Variants in CCDC32 observed in about 807,000 individuals in gnomAD.
The protein encoded by CCDC32 is coiled-coil domain containing 32, also known as coiled-coil domain-containing protein 32.
In CCDC32, 9 loss-of-function variants were observed where a neutral mutation model predicts 20.1. The observed-to-expected ratio is 0.45, with a 90% CI of 0.27 to 0.78. CCDC32 has a LOEUF of 0.78. Ranked by LOEUF, CCDC32 falls within the 30% of genes least tolerant of loss-of-function variation. CCDC32 has a pLI of 0.16. For synonymous variants in CCDC32, 63 were observed against 79.0 expected (o/e 0.80, Z 1.07); for missense variants, 204 against 215.5 (o/e 0.95, Z 0.33).
At chr15:40,557,123 G>A (rs1890295351) in intron 3 of CCDC32, 93 bp downstream of exon 3, 4 of 1,485,210 alleles carry the variant, frequency 2.7e-6, no homozygotes, top group Non-Finnish European at 1.8e-6. Flanking sequence ...TGGCAAAAAA[G>A]TCTGTTCTTA....
At chr15:40,561,361 T>A (rs1890615049) in intron 2 of CCDC32, among the ~76,000 whole-genome samples, 1 of 151,736 alleles carries the variant, frequency 6.6e-6, no homozygotes, top group South Asian at 2.1e-4. Context: ...TAATCCCAGC[T>A]ACTCAGGAGG....
downstream of CCDC32, among the ~76,000 whole-genome samples, chr15:40,527,251 A>C (rs1197293273): frequency 6.6e-6 from 1 of 151,866 alleles, no homozygotes; most frequent in African/African-American, 2.4e-5. Context: ...GCTCACTGCA[A>C]CCTCTGCCTC....
At chr15:40,564,947 GC>G (rs1432781215) in intron 1 of CCDC32, 28 bp downstream of exon 1, 1 of 754,260 alleles carries the variant, frequency 1.3e-6, no homozygotes, top group Non-Finnish European at 2.2e-6. Context: ...GATCCAAAAC[GC>G]TGGGCACCCC....
At chr15:40,527,432 A>T (rs987520773), downstream of CCDC32, among the ~76,000 whole-genome samples, 1 of 152,188 alleles carries the variant, frequency 6.6e-6, no homozygotes. Context: ...CGGCCTCCCA[A>T]GGTGCTGGGA....
chr15:40,539,218 C>G, downstream of CCDC32: 1 of 1,532,568 alleles, frequency 6.5e-7, no homozygotes, highest in Non-Finnish European at 8.7e-7. Context: ...ACATCCCTGC[C>G]TGGCCCGCCC....
In CCDC32 at chr15:40,553,168, G is replaced by A. The variant is rs1023703407; in HGVS notation, c.*803C>T. On this transcript the variant is annotated 3_prime_UTR_variant, in exon 4 of 4. Transcript: ENST00000416810. ...ACACAATAAACAGGGAGGGAAGCTC[G>A]GGCTCAGCCAGGAAACCTGCCACAA... is the stretch of plus-strand genomic sequence containing the variant. 12 of 985,444 alleles carry A rather than the reference G, an allele frequency of 1.2e-5. No homozygotes were observed. The Admixed American group carries it at 1.8e-4, about 15-fold the overall frequency. 61.0% of individuals were successfully genotyped at this position (985,444 alleles called of 1,614,324 possible). A position where few individuals can be genotyped will look rare whatever the true frequency, so the allele number is the denominator to read the frequency against.
rs1890928584 is a variant in CCDC32 at position 40,565,016 on chromosome 15, C to T, written c.-53G>A. Reference sequence around the variant, plus strand: ...GTAAACGCTTGGCTCAGCTCTGTCGCCTGTAGCCCGGAGGAAATCGGGAGG... The same window carrying T: ...GTAAACGCTTGGCTCAGCTCTGTCGTCTGTAGCCCGGAGGAAATCGGGAGG... On this transcript the variant is annotated 5_prime_UTR_variant, in exon 1 of 4. Coordinates refer to ENST00000416810, the MANE Select transcript of CCDC32 (RefSeq NM_001080792.4). The T allele has an allele frequency of 1.8e-6, 1 of 568,078 alleles. No homozygotes were observed. The highest frequency in any genetic ancestry group is 3.1e-6 in the Non-Finnish European group (1 of 318,632). 35.2% of individuals were successfully genotyped at this position (568,078 alleles called of 1,614,324 possible). A position where few individuals can be genotyped will look rare whatever the true frequency, so the allele number is the denominator to read the frequency against.
At chr15:40,545,285 C>A (rs1161542493) in intron 3 of CCDC32, among the ~76,000 whole-genome samples, 1 of 152,180 alleles carries the variant, frequency 6.6e-6, no homozygotes, top group Non-Finnish European at 1.5e-5. Context: ...AATATCTGTT[C>A]TTTAAAATGC....
At chr15:40,544,322 T>G (rs189786423) in intron 3 of CCDC32, among the ~76,000 whole-genome samples, 14 of 152,218 alleles carry the variant, frequency 9.2e-5, no homozygotes, top group Admixed American at 4.6e-4. Context: ...CAAGCAATCC[T>G]CCCACCTCAG....
intron 2 of CCDC32, chr15:40,562,029 C>CT (rs1890677352): frequency 7.2e-6 from 1 of 139,698 alleles, no homozygotes. Flanking sequence ...CAGAATGAAT[C>CT]TTATGTCAAT....
At chr15:40,551,199 G>A (rs968287679), downstream of CCDC32, among the ~76,000 whole-genome samples, 5 of 152,116 alleles carry the variant, frequency 3.3e-5, no homozygotes, top group Non-Finnish European at 7.4e-5. Context: ...TGGCTAACAC[G>A]GTGAAACCCC....
At chr15:40,546,040 T>C (rs1889604178) in intron 3 of CCDC32, among the ~76,000 whole-genome samples, 1 of 152,214 alleles carries the variant, frequency 6.6e-6, no homozygotes. Context: ...AGTTTCTCTT[T>C]GTGTTTTAGT....
downstream of CCDC32, chr15:40,536,112 C>T (rs1470626593): frequency 6.6e-6 from 1 of 152,334 alleles, no homozygotes; most frequent in African/African-American, 2.4e-5. Context: ...CCAAAGGGGT[C>T]CCAAGTCACC....
Position 40,553,340 on chromosome 15 carries a change from A to T in CCDC32, c.*631T>A, listed in dbSNP as rs1289575950. 1 of 985,238 alleles carries T rather than the reference A, an allele frequency of 1.0e-6. No homozygotes were observed. Among genetic ancestry groups the T allele is most frequent in the African/African-American group, 1.7e-5 (1 of 57,198 alleles). The allele number at this position is 985,238 out of a possible 1,614,324, so 61.0% of individuals were successfully genotyped here. On this transcript the variant is annotated 3_prime_UTR_variant, in exon 4 of 4. Transcript: ENST00000416810. ...TAAAAAATACATATACACAGACATA[A>T]ACACCCACATTTTCACACTTCTTTT...
downstream of CCDC32, among the ~76,000 whole-genome samples, chr15:40,524,735 C>CTTTT (rs1894877723): frequency 1.3e-5 from 1 of 79,882 alleles, no homozygotes; most frequent in African/African-American, 6.6e-5. Context: ...TGTTCTTTTT[C>CTTTT]TTTCTTTTTT....
downstream of CCDC32, chr15:40,532,186 G>T: frequency 1.6e-6 from 1 of 644,122 alleles, no homozygotes; most frequent in Non-Finnish European, 2.8e-6. Context: ...TTATACACAG[G>T]ATCTGGTCAA....
Position 40,564,967 on chromosome 15 carries a change from C to A in CCDC32, c.-13+9G>T. On this transcript the variant is annotated intron_variant, in intron 1 of 3. Coordinates refer to ENST00000416810, the MANE Select transcript of CCDC32 (RefSeq NM_001080792.4). ...AAAACGCTGGGCACCCCAGCCCCTC[C>A]TCACTTACCGTAACAGCTGCCCAGT... The A allele has an allele frequency of 1.6e-6, 1 of 644,418 alleles. No homozygotes were observed. The highest frequency in any genetic ancestry group is 1.9e-5 in the South Asian group (1 of 52,248). The allele number at this position is 644,418 out of a possible 1,614,324, so 39.9% of individuals were successfully genotyped here.
At chr15:40,548,109 G>C (rs913493713), downstream of CCDC32, among the ~76,000 whole-genome samples, 19 of 152,134 alleles carry the variant, frequency 1.2e-4, no homozygotes, top group Admixed American at 6.5e-5. Context: ...TATGAACTCA[G>C]CTCCCCTAAC....
chr15:40,562,637 C>T lies in CCDC32; in HGVS notation c.244+135G>A, dbSNP rs1391275605. 5.8e-6 allele frequency: 6 copies of T among 1,036,586 alleles called. No homozygotes were observed. The East Asian group carries it at 9.8e-5, about 17-fold the overall frequency. 64.2% of individuals were successfully genotyped at this position (1,036,586 alleles called of 1,614,324 possible). ...CAAGGAAAAGGGGGCTGCTTCCCAA[C>T]AGCCGGCTTGAAACATCCCTTGGAA... On this transcript the variant is annotated intron_variant, in intron 2 of 3. Coordinates refer to ENST00000416810, the MANE Select transcript of CCDC32 (RefSeq NM_001080792.4).
Sources: gnomAD v4.1 joint callset for allele counts (sites outside exome capture counted in the v4.1 genomes callset) on GRCh38, gnomAD v4.1.1 for gene constraint, MANE v1.5 for transcripts, NCBI Gene and HGNC (gene_info 2026-07-23, HGNC 2026-07-21) for gene names.